Variants in CRB2 observed in about 807,000 individuals in gnomAD.
The protein encoded by CRB2 is protein crumbs homolog 2.
In CRB2, 85 loss-of-function variants were observed where a neutral mutation model predicts 110.9. The observed-to-expected ratio is 0.77, with a 90% confidence interval of 0.64 to 0.92. CRB2 has a LOEUF of 0.92. Ranked by LOEUF, CRB2 falls within the 40% of genes least tolerant of loss-of-function variation. The pLI is 0.00. For missense variants in CRB2, 1,843 were observed against 1,851.3 expected (o/e 1.00, Z 0.08); for synonymous variants, 907 against 831.0 (o/e 1.09, Z -1.57).
rs927683195 is a variant in CRB2 at position 123,369,043 on chromosome 9, C to T, written c.1055-1065C>T. On this transcript the variant is annotated intron_variant, in intron 6 of 12. Coordinates refer to ENST00000373631, the MANE Select transcript of CRB2 (RefSeq NM_173689.7). ...TTGTGAGCTGATCGAGGCTGGGCTT[C>T]AAACCCTGGTGACTTCTCTGGGCCT... is the stretch of plus-strand genomic sequence containing the variant. 3.2e-6 allele frequency: 3 copies of T among 942,950 alleles called. No individual in the cohort carries two copies. The African/African-American group carries it at 5.4e-5, about 17-fold the overall frequency. 58.4% of individuals were successfully genotyped at this position (942,950 alleles called of 1,614,324 possible).
chr9:123,373,287 G>T lies in CRB2; in HGVS notation c.2756G>T (p.Gly919Val). 6.8e-7 allele frequency: 1 copy of T among 1,479,836 alleles called. No individual in the cohort carries two copies. The highest frequency in any genetic ancestry group is 8.9e-7 in the Non-Finnish European group (1 of 1,124,604). The allele number at this position is 1,479,836 out of a possible 1,614,324, so 91.7% of individuals were successfully genotyped here. A position where few individuals can be genotyped will look rare whatever the true frequency, so the allele number is the denominator to read the frequency against. The change falls in exon 10 of 13, where the codon GGC becomes GTC. Residue 919 changes from glycine to valine, a missense_variant. Gly to Val is a moderately radical substitution (Grantham distance 109). Transcript: ENST00000373631. ...CGTGCCGCGGCGGGCGCCCTGGAAG[G>T]CGTGTGGCTGGCGGTGCGCAATGGC... is the stretch of plus-strand genomic sequence containing the variant. Reference protein sequence around the residue: ...LLRAAAGALEGVWLAVRNGSL... With the variant: ...LLRAAAGALEVVWLAVRNGSL...
At chr9:123,366,611 G>C (rs890838781) in intron 4 of CRB2, among the ~76,000 whole-genome samples, 13 of 152,220 alleles carry the variant, frequency 8.5e-5, no homozygotes, top group African/African-American at 3.1e-4. Flanking sequence ...GAAGCCCTTG[G>C]GGAGGGCCTG....
At position 123,367,160 on chromosome 9, in the gene CRB2, G is replaced by A. The variant is rs199716560; in HGVS notation, c.755-12G>A. On this transcript the variant is annotated splice_polypyrimidine_tract_variant and intron_variant, in intron 4 of 12. Coordinates refer to ENST00000373631, the MANE Select transcript of CRB2 (RefSeq NM_173689.7). ...CCCGTGAGACCTGATGTCCGCGTGTGTGTGCCCCCAGGCTACAGCGGCGAG... is the reference window on the plus strand; with the variant it reads ...CCCGTGAGACCTGATGTCCGCGTGTATGTGCCCCCAGGCTACAGCGGCGAG... The A allele has an allele frequency of 9.0e-5, 142 of 1,573,334 alleles. No individual in the cohort carries two copies. The African/African-American group carries it at 1.5e-3, about 17-fold the overall frequency.
At chr9:123,372,768 A>G (rs1265140195) in intron 9 of CRB2, among the ~76,000 whole-genome samples, 1 of 152,200 alleles carries the variant, frequency 6.6e-6, no homozygotes, top group African/African-American at 2.4e-5. Context: ...TCTGCATTTT[A>G]CAAAGATGAC....
chr9:123,360,880 A>G (rs563705218), intron 1 of CRB2, among the ~76,000 whole-genome samples: 190 of 152,240 alleles, frequency 1.2e-3, no homozygotes, highest in African/African-American at 4.3e-3. Flanking sequence ...CTGTGGCACT[A>G]TTGCATGCCT....
chr9:123,376,584 A>G (rs905888418), intron 12 of CRB2, among the ~76,000 whole-genome samples: 2 of 152,010 alleles, frequency 1.3e-5, no homozygotes, highest in Non-Finnish European at 2.9e-5. Context: ...CGGGTGTTCA[A>G]TAAACGCCCA....
chr9:123,374,552 C>A (rs1323634269), intron 10 of CRB2, 27 bp from the exon 11 acceptor site: 1 of 1,560,740 alleles, frequency 6.4e-7, no homozygotes, highest in Non-Finnish European at 8.8e-7. Flanking sequence ...TGTCCTGCAC[C>A]CACTCCAGCC....
Position 123,373,593 on chromosome 9 carries a change from G to GCCTGCC in CRB2, c.3070_3075dup (p.Pro1025_Leu1026dup). The GCCTGCC allele has an allele frequency of 7.0e-7, 1 of 1,419,882 alleles. No homozygotes were observed. The allele number at this position is 1,419,882 out of a possible 1,614,324, so 88.0% of individuals were successfully genotyped here. A position where few individuals can be genotyped will look rare whatever the true frequency, so the allele number is the denominator to read the frequency against. ...TGCTTGGGCCGCGTGGCGCTGGGCG[G>GCCTGCC]CCTGCCCCTGCCCTTGGCGCGGCCC... is the stretch of plus-strand genomic sequence containing the variant. On this transcript the variant is annotated inframe_insertion, in exon 10 of 13. Transcript: ENST00000373631.
Position 123,367,692 on chromosome 9 carries a change from T to C in CRB2, c.1054+6T>C, listed in dbSNP as rs1340160638. The C allele has an allele frequency of 3.3e-6, 5 of 1,533,048 alleles. No individual in the cohort carries two copies. Among genetic ancestry groups the C allele is most frequent in the Admixed American group, 3.9e-5 (2 of 51,564 alleles). 95.0% of individuals were successfully genotyped at this position (1,533,048 alleles called of 1,614,324 possible). ...CTGCCCAGATGGCTACGCAGGTGTCTGGGGTGGGGTGGGCCCTGGGACCAT... is the reference window on the plus strand; with the variant it reads ...CTGCCCAGATGGCTACGCAGGTGTCCGGGGTGGGGTGGGCCCTGGGACCAT... On this transcript the variant is annotated splice_donor_region_variant and intron_variant, in intron 6 of 12. Transcript: ENST00000373631.
At chr9:123,372,029 T>C in intron 8 of CRB2, 148 bp from the exon 9 acceptor site, 5 of 786,016 alleles carry the variant, frequency 6.4e-6, no homozygotes, top group Non-Finnish European at 2.0e-6. Context: ...ATCTGTAAAA[T>C]GGGGATCTTA....
At chr9:123,366,161 G>A (rs1187920985) in intron 3 of CRB2, 49 bp downstream of exon 3, 1 of 1,377,968 alleles carries the variant, frequency 7.3e-7, no homozygotes, top group Non-Finnish European at 9.3e-7. Flanking sequence ...GCCCGAGGGC[G>A]GGGAGGCCAG....
chr9:123,375,500 C>A (rs975522957), intron 12 of CRB2, among the ~76,000 whole-genome samples, 157 bp downstream of exon 12: 3 of 152,114 alleles, frequency 2.0e-5, no homozygotes, highest in Non-Finnish European at 1.5e-5. Context: ...CCACACCCCC[C>A]ACACAAGAGG....
rs1564374284 is a variant in CRB2, at chr9:123,370,590, G to C, written c.1537G>C (p.Ala513Pro). The C allele has an allele frequency of 6.2e-7, 1 of 1,613,032 alleles. No individual in the cohort carries two copies. Among genetic ancestry groups the C allele is most frequent in the East Asian group, 2.2e-5 (1 of 44,884 alleles). Residue 513 changes from alanine (A) to proline (P), a missense_variant, in exon 7 of 13, where the codon GCC becomes CCC. Physicochemically the swap from Ala to Pro is conservative, Grantham distance 27. Transcript: ENST00000373631. The stretch of plus-strand genomic sequence containing the variant: ...GCTTGTCCTGAGACTGCCGGACCTG[G>C]CCCTAAACGATGGCCATTGGCACCA... ...TVLVLRLPDL[A>P]LNDGHWHQVE...
Position 123,367,635 on chromosome 9 carries a change from T to C in CRB2, c.1003T>C (p.Cys335Arg). 1 of 1,570,432 alleles carries C rather than the reference T, an allele frequency of 6.4e-7. No homozygotes were observed. The highest frequency in any genetic ancestry group is 1.2e-5 in the South Asian group (1 of 85,230). The change falls in exon 6 of 13, where the codon TGC becomes CGC. Residue 335 changes from cysteine (C) to arginine (R), a missense_variant. Physicochemically the swap from Cys to Arg is radical, Grantham distance 180. Coordinates refer to ENST00000373631, the MANE Select transcript of CRB2 (RefSeq NM_173689.7). ...ASRPCLNGGH[C>R]QDLPNGFQCH... is the part of the protein sequence containing the mutation. ...ACGGCCATGCCTCAACGGAGGCCAC[T>C]GCCAGGACCTGCCCAATGGCTTCCA...
In CRB2 at chr9:123,372,451, A is replaced by G. The variant is rs528777485; in HGVS notation, c.2602+109A>G. 2.9e-4 allele frequency: 413 copies of G among 1,410,926 alleles called. 1 individual carries two copies. The highest frequency in any genetic ancestry group is 3.6e-4 in the Non-Finnish European group (379 of 1,053,438). The allele number at this position is 1,410,926 out of a possible 1,614,324, so 87.4% of individuals were successfully genotyped here. A position where few individuals can be genotyped will look rare whatever the true frequency, so the allele number is the denominator to read the frequency against. ...AGGATACTGGTGGACCAGGCATGCC[A>G]AGCCCTAGGGCAGTGTGGCGGGGCC... On this transcript the variant is annotated intron_variant, in intron 9 of 12. Coordinates refer to ENST00000373631, the MANE Select transcript of CRB2 (RefSeq NM_173689.7).
At position 123,367,631 on chromosome 9, in the gene CRB2, C is replaced by G; in HGVS notation, c.999C>G (p.Gly333=). ...CCTCACGGCCATGCCTCAACGGAGG[C>G]CACTGCCAGGACCTGCCCAATGGCT... is the stretch of plus-strand genomic sequence containing the variant. The part of the protein sequence containing the change: ...ECASRPCLNG[G]HCQDLPNGFQ... Residue 333 remains glycine, a synonymous_variant, in exon 6 of 13, where the codon GGC becomes GGG. Transcript: ENST00000373631. 12 of 1,570,872 alleles carry G rather than the reference C, an allele frequency of 7.6e-6. No homozygotes were observed. The highest frequency in any genetic ancestry group is 8.6e-6 in the Non-Finnish European group (10 of 1,158,728).
chr9:123,362,094 G>A (rs959154874), intron 1 of CRB2, among the ~76,000 whole-genome samples: 2 of 152,210 alleles, frequency 1.3e-5, no homozygotes, highest in African/African-American at 2.4e-5. Context: ...TTTGCTGATG[G>A]GGGATGAAAT....
rs748183673 is a variant in CRB2 at position 123,371,594 on chromosome 9, C to CGGT, written c.2436+28_2436+30dup. ...CATGTGCAGTGTAAGTGTCTGGTGG[C>CGGT]GGTGGTGGTGGTGGGGTGGGGAGTC... On this transcript the variant is annotated intron_variant, in intron 8 of 12. Coordinates refer to ENST00000373631, the MANE Select transcript of CRB2 (RefSeq NM_173689.7). 542 of 1,610,728 alleles carry CGGT rather than the reference C, an allele frequency of 3.4e-4. 3 individuals carry two copies. Among genetic ancestry groups the CGGT allele is most frequent in the Admixed American group, 1.3e-3 (75 of 59,980 alleles).
At position 123,359,433 on chromosome 9, in the gene CRB2, TTTGTTTTG is replaced by T. The variant is rs1258766544; in HGVS notation, c.94+3082_94+3089del. Among the ~76,000 whole-genome samples the T allele has an allele frequency of 9.7e-4, 89 of 91,894 alleles. 5 individuals carry two copies. The highest frequency in any genetic ancestry group is 1.9e-3 in the Admixed American group (16 of 8,268). 60.3% of individuals were successfully genotyped at this position (91,894 alleles called of 152,430 possible). ...CTTTTTTTGTTTGTGGTTTTTCGTT[TTTGTTTTG>T]TTTTTTTTTTTTTTTTTTTTTTTTT... On this transcript the variant is annotated intron_variant, in intron 1 of 12. Coordinates refer to ENST00000373631, the MANE Select transcript of CRB2 (RefSeq NM_173689.7).
Sources: gnomAD v4.1 joint callset for allele counts (sites outside exome capture counted in the v4.1 genomes callset) on GRCh38, gnomAD v4.1.1 for gene constraint, MANE v1.5 for transcripts, NCBI Gene and HGNC (gene_info 2026-07-23, HGNC 2026-07-21) for gene names.